ERICH3: variants seen among roughly 807,000 people sequenced by gnomAD.
ERICH3 encodes glutamate rich 3.
Under a neutral mutation model 131.1 loss-of-function variants are expected in ERICH3, and 126 were observed. The ratio of observed to expected loss-of-function variants is 0.96; its 90% CI spans 0.83 to 1.11. The LOEUF (loss-of-function observed/expected upper bound fraction) is 1.11. Ranked by LOEUF, ERICH3 falls within the 50% of genes most tolerant of loss-of-function variation. The pLI is 0.00. For synonymous variants in ERICH3, 695 were observed against 644.6 expected, an observed-to-expected ratio of 1.08 and a Z score of -1.18; for missense variants, 2,050 against 1,810.7, an observed-to-expected ratio of 1.13 and a Z score of -2.40.
chr1:74,593,643 A>G (rs1189180684), intron 11 of ERICH3, among the ~76,000 whole-genome samples: 6 of 152,116 alleles, frequency 3.9e-5, no homozygotes, highest in Non-Finnish European at 8.8e-5. Context: ...TATCACAGCT[A>G]CCATGATAAA....
chr1:74,622,870 C>A (rs914706750), intron 7 of ERICH3: 5 of 152,142 alleles, frequency 3.3e-5, no homozygotes, highest in Admixed American at 3.3e-4. Context: ...ATGGTAAAAT[C>A]TCTTTTCTCT....
chr1:74,606,588 T>A lies in ERICH3; in HGVS notation c.1489+13A>T. The A allele has an allele frequency of 6.3e-7, 1 of 1,580,802 alleles. No individual in the cohort carries two copies. The highest frequency in any genetic ancestry group is 8.6e-7 in the Non-Finnish European group (1 of 1,163,540). On this transcript the variant is annotated intron_variant, in intron 10 of 14. Coordinates refer to ENST00000326665, the MANE Select transcript of ERICH3 (RefSeq NM_001002912.5). Reference sequence around the variant, plus strand: ...CCACAGCTACAACAAAAGAAACTTGTGTTGTTGATTACCATATTTTAAAGT... The same window carrying A: ...CCACAGCTACAACAAAAGAAACTTGAGTTGTTGATTACCATATTTTAAAGT...
At chr1:74,596,624 A>G (rs1647864539) in intron 11 of ERICH3, among the ~76,000 whole-genome samples, 2 of 152,158 alleles carry the variant, frequency 1.3e-5, no homozygotes, top group Non-Finnish European at 2.9e-5. Flanking sequence ...TTACTCATGG[A>G]CACTATCATC....
chr1:74,630,576 TG>T (rs1441374913), intron 7 of ERICH3, among the ~76,000 whole-genome samples: 1 of 152,124 alleles, frequency 6.6e-6, no homozygotes, highest in Non-Finnish European at 1.5e-5. Flanking sequence ...TTGAGTTGCC[TG>T]GGGTTGTTAG....
chr1:74,669,437 A>G (rs1646721511), intron 1 of ERICH3, among the ~76,000 whole-genome samples: 1 of 152,192 alleles, frequency 6.6e-6, no homozygotes, highest in African/African-American at 2.4e-5. Flanking sequence ...TTGAGCCAGA[A>G]GAGACATATC....
intron 8 of ERICH3, among the ~76,000 whole-genome samples, chr1:74,614,797 G>T (rs1648885824): frequency 6.6e-6 from 1 of 152,110 alleles, no homozygotes; most frequent in African/African-American, 2.4e-5. Flanking sequence ...AGGAAAGAGA[G>T]AGCTGAAAAA....
intron 10 of ERICH3, among the ~76,000 whole-genome samples, chr1:74,604,018 C>T (rs1217759160): frequency 2.0e-5 from 3 of 151,912 alleles, no homozygotes; most frequent in African/African-American, 7.2e-5. Flanking sequence ...ACAGCATTTA[C>T]ACACAGTAAA....
At chr1:74,627,095 A>G (rs1222651777) in intron 7 of ERICH3, among the ~76,000 whole-genome samples, 1 of 152,152 alleles carries the variant, frequency 6.6e-6, no homozygotes, top group Non-Finnish European at 1.5e-5. Context: ...ATCTAAATAA[A>G]CGAAACTCAA....
At chr1:74,626,898 C>G (rs556337344) in intron 7 of ERICH3, among the ~76,000 whole-genome samples, 37 of 152,278 alleles carry the variant, frequency 2.4e-4, no homozygotes, top group African/African-American at 5.3e-4. Context: ...CCATGTTGTT[C>G]TACACATTCA....
rs74093443 is a variant in ERICH3, at chr1:74,599,840, C to A, written c.1581G>T (p.Pro527=). 7.4e-6 allele frequency: 12 copies of A among 1,612,254 alleles called. No homozygotes were observed. The South Asian group carries it at 1.1e-4, about 15-fold the overall frequency. ...CTTTTTTATCATCCAAAGGTGACTG[C>A]GGTATTCCATTCATTTGAACATCAG... ...GQADVQMNGI[P]QSPLDDKKDN... Residue 527 remains proline, a synonymous_variant, in exon 11 of 15, where the codon CCG becomes CCT. Coordinates refer to ENST00000326665, the MANE Select transcript of ERICH3 (RefSeq NM_001002912.5).
chr1:74,626,587 A>G (rs1335353329), intron 7 of ERICH3, among the ~76,000 whole-genome samples: 2 of 152,198 alleles, frequency 1.3e-5, no homozygotes, highest in African/African-American at 4.8e-5. Context: ...TATAAAAGCT[A>G]TATATGAAAC....
chr1:74,664,447 G>T (rs1646670645), intron 1 of ERICH3, among the ~76,000 whole-genome samples: 1 of 152,024 alleles, frequency 6.6e-6, no homozygotes, highest in African/African-American at 2.4e-5. Context: ...CTTGGAGCAA[G>T]CAATGAAGAG....
chr1:74,611,205 G>A (rs1648679312), intron 9 of ERICH3, among the ~76,000 whole-genome samples: 1 of 151,990 alleles, frequency 6.6e-6, no homozygotes. Flanking sequence ...GACTCAATGT[G>A]TCCTCGACCA....
chr1:74,636,576 C>A, intron 5 of ERICH3, 138 bp from the exon 6 acceptor site: 1 of 828,964 alleles, frequency 1.2e-6, no homozygotes, highest in Non-Finnish European at 1.9e-6. Flanking sequence ...TTATGTCCTT[C>A]CATTATACAT....
intron 8 of ERICH3, among the ~76,000 whole-genome samples, chr1:74,618,421 A>G (rs1245057779): frequency 6.6e-6 from 1 of 152,334 alleles, no homozygotes; most frequent in South Asian, 2.1e-4. Flanking sequence ...TGTATTTGCC[A>G]CAGCATAATG....
chr1:74,575,504 G>T (rs17095629), intron 13 of ERICH3, among the ~76,000 whole-genome samples: 1 of 151,954 alleles, frequency 6.6e-6, no homozygotes, highest in African/African-American at 2.4e-5. Flanking sequence ...GAGAGAATAT[G>T]GTCCATTTTA....
intron 1 of ERICH3, among the ~76,000 whole-genome samples, chr1:74,665,192 G>A (rs1201855267): frequency 2.7e-5 from 4 of 148,068 alleles, no homozygotes; most frequent in South Asian, 2.1e-4. Flanking sequence ...CAGCCTGGGC[G>A]ACAGAGCAAG....
intron 2 of ERICH3, among the ~76,000 whole-genome samples, chr1:74,647,074 A>G (rs898251166): frequency 6.6e-6 from 1 of 152,114 alleles, no homozygotes; most frequent in Admixed American, 6.6e-5. Flanking sequence ...CTTTTAATGA[A>G]TATTTCATGA....
At chr1:74,660,742 AT>A (rs1646634361) in intron 1 of ERICH3, among the ~76,000 whole-genome samples, 1 of 151,018 alleles carries the variant, frequency 6.6e-6, no homozygotes, top group South Asian at 2.1e-4. Flanking sequence ...TTACTCATGT[AT>A]ATATAATTTT....
Sources: allele counts gnomAD v4.1 joint callset (sites outside exome capture counted in the v4.1 genomes callset), GRCh38; gene constraint gnomAD v4.1.1; transcripts MANE v1.5; gene names NCBI Gene and HGNC (gene_info 2026-07-23, HGNC 2026-07-21).